Variants in TRIM24 observed in about 807,000 individuals in gnomAD.
TRIM24 encodes tripartite motif containing 24.
TRIM24 carries 29 observed loss-of-function variants against 123.9 expected under a neutral mutation model. That is an observed-to-expected ratio of 0.23 (90% CI 0.17 to 0.32). TRIM24 has a LOEUF of 0.32. TRIM24 is among the 10% of genes least tolerant of loss of function. TRIM24 has a pLI of 1.00. For synonymous variants in TRIM24, 456 were observed against 461.1 expected, an observed-to-expected ratio of 0.99 and a Z score of 0.14; for missense variants, 932 against 1,295.3, an observed-to-expected ratio of 0.72 and a Z score of 4.31.
Position 138,584,976 on chromosome 7 carries a change from G to T in TRIM24, c.*25G>T. The T allele has an allele frequency of 1.9e-6, 3 of 1,549,214 alleles. No homozygotes were observed. The highest frequency in any genetic ancestry group is 2.6e-6 in the Non-Finnish European group (3 of 1,152,428). On this transcript the variant is annotated 3_prime_UTR_variant, in exon 19 of 19. Transcript: ENST00000343526. ...ATATGCAGCACCACTAGCTTGTGCT[G>T]GTTTTTAGATTTTTTTGTTTTCAAA... is the stretch of plus-strand genomic sequence containing the variant.
chr7:138,547,670 G>GTTAT (rs1258064719), intron 7 of TRIM24, among the ~76,000 whole-genome samples: 2 of 152,036 alleles, frequency 1.3e-5, no homozygotes, highest in Non-Finnish European at 2.9e-5. Flanking sequence ...CCCAAAATAA[G>GTTAT]TTATTTATTT....
At chr7:138,530,418 A>G (rs183715283) in intron 6 of TRIM24, among the ~76,000 whole-genome samples, 12 of 152,226 alleles carry the variant, frequency 7.9e-5, no homozygotes, top group African/African-American at 2.2e-4. Flanking sequence ...ATCTGTAGGA[A>G]TGAACCTGGT....
At chr7:138,556,484 G>A (rs986074865) in intron 9 of TRIM24, 17 of 152,180 alleles carry the variant, frequency 1.1e-4, no homozygotes, top group Non-Finnish European at 2.2e-4. Flanking sequence ...CCTTCACAGT[G>A]TCAAAGTTTC....
At chr7:138,578,514 A>ATGGTGG (rs1235896840) in intron 14 of TRIM24, among the ~76,000 whole-genome samples, 14 of 146,760 alleles carry the variant, frequency 9.5e-5, no homozygotes, top group Non-Finnish European at 1.9e-4. Flanking sequence ...GATGGGGTGA[A>ATGGTGG]TGGTGGTGGT....
At chr7:138,469,013 TCACAGTACTG>T (rs1455345005) in intron 1 of TRIM24, among the ~76,000 whole-genome samples, 1 of 152,092 alleles carries the variant, frequency 6.6e-6, no homozygotes, top group Admixed American at 6.5e-5. Flanking sequence ...TCCTCATGGA[TCACAGTACTG>T]CATTGCCTTT....
At chr7:138,540,685 A>G (rs1053545234) in intron 7 of TRIM24, among the ~76,000 whole-genome samples, 1 of 152,092 alleles carries the variant, frequency 6.6e-6, no homozygotes, top group African/African-American at 2.4e-5. Context: ...AACTCCTGTT[A>G]TTGTTGATAT....
intron 4 of TRIM24, among the ~76,000 whole-genome samples, chr7:138,522,663 CTG>C (rs943825562): frequency 2.0e-5 from 3 of 151,606 alleles, no homozygotes; most frequent in African/African-American, 7.3e-5. Flanking sequence ...TTTTTTTTAA[CTG>C]TACTATGGGC....
chr7:138,522,800 A>G (rs1796530809), intron 4 of TRIM24, among the ~76,000 whole-genome samples: 1 of 152,208 alleles, frequency 6.6e-6, no homozygotes. Flanking sequence ...ATATACTTGC[A>G]AATTTAACTT....
chr7:138,554,405 G>A lies in TRIM24; in HGVS notation c.1262-293G>A, dbSNP rs762957383. Among the ~76,000 whole-genome samples the A allele has an allele frequency of 3.3e-5, 5 of 152,062 alleles. No individual in the cohort carries two copies. The highest frequency in any genetic ancestry group is 7.4e-5 in the Non-Finnish European group (5 of 67,998). ...ACAGTATTTTAAAATATCAAAAAAT[G>A]TTTACCAAATATTTTACAATATAGT... On this transcript the variant is annotated intron_variant, in intron 8 of 18. Transcript: ENST00000343526. This position sits in a 1 kb window ranked among gnomAD's most constrained non-coding sequence, Gnocchi z 4.5.
At chr7:138,475,965 A>G (rs150042588) in intron 1 of TRIM24, among the ~76,000 whole-genome samples, 6 of 152,332 alleles carry the variant, frequency 3.9e-5, no homozygotes, top group Non-Finnish European at 2.9e-5. Context: ...TTAAAGAGGT[A>G]GGACACATTA....
chr7:138,556,337 G>A (rs1470986757), intron 9 of TRIM24: 2 of 152,096 alleles, frequency 1.3e-5, no homozygotes, highest in African/African-American at 4.8e-5. Flanking sequence ...GGCCACTCTT[G>A]AAAGTTAATG....
rs780606588 is a variant in TRIM24, at chr7:138,589,286, G to A, written c.*4335G>A. 24 of 152,162 alleles carry A rather than the reference G, an allele frequency of 1.6e-4. No homozygotes were observed. The highest frequency in any genetic ancestry group is 2.6e-4 in the Non-Finnish European group (18 of 68,030). The allele number at this position is 152,162 out of a possible 1,614,324, so 9.4% of individuals were successfully genotyped here. A position where few individuals can be genotyped will look rare whatever the true frequency, so the allele number is the denominator to read the frequency against. ...CATGAAGGTTTTACTTATTGAGAGG[G>A]ACATCTGAGGCAGTAGTCTTCGTCT... is the stretch of plus-strand genomic sequence containing the variant. On this transcript the variant is annotated 3_prime_UTR_variant, in exon 19 of 19. Transcript: ENST00000343526.
intron 6 of TRIM24, among the ~76,000 whole-genome samples, chr7:138,536,036 G>A (rs943422482): frequency 7.2e-5 from 11 of 152,098 alleles, no homozygotes; most frequent in Admixed American, 1.3e-4. Context: ...CATTCGTCAC[G>A]TACTTCTTGT....
chr7:138,471,465 C>T (rs1795270639), intron 1 of TRIM24, among the ~76,000 whole-genome samples: 6 of 151,906 alleles, frequency 3.9e-5, no homozygotes, highest in Admixed American at 3.9e-4. Context: ...AAAGGACTTT[C>T]TTCTGATTTT....
Position 138,560,913 on chromosome 7 carries a change from T to G in TRIM24, c.1530+5947T>G, listed in dbSNP as rs181960120. Among the ~76,000 whole-genome samples the G allele has an allele frequency of 1.2e-3, 181 of 152,314 alleles. 1 individual carries two copies. The highest frequency in any genetic ancestry group is 3.5e-3 in the Admixed American group (54 of 15,300). ...TCCATGTCTGCTTTTCTGTTTCCTT[T>G]GGCCTCTAGTGTTCCTGCCTTTTGA... On this transcript the variant is annotated intron_variant, in intron 9 of 18. Transcript: ENST00000343526.
chr7:138,570,193 C>T (rs112544332), intron 10 of TRIM24, among the ~76,000 whole-genome samples: 5,520 of 152,240 alleles, frequency 0.036, 152 homozygotes, highest in Middle Eastern at 0.088. Context: ...GTTATCCACC[C>T]ACCTTGGGCT....
chr7:138,575,143 G>T (rs952828498), intron 12 of TRIM24, among the ~76,000 whole-genome samples: 4 of 152,132 alleles, frequency 2.6e-5, no homozygotes, highest in South Asian at 2.1e-4. Flanking sequence ...AGATGTAAAA[G>T]TATGTTTAAA....
intron 8 of TRIM24, among the ~76,000 whole-genome samples, chr7:138,553,314 G>C (rs1022896721): frequency 1.3e-5 from 2 of 152,210 alleles, no homozygotes; most frequent in African/African-American, 2.4e-5. Context: ...TGAATATTTT[G>C]TTACTGTCTT....
chr7:138,531,542 T>G (rs1796745969), intron 6 of TRIM24, among the ~76,000 whole-genome samples: 2 of 152,222 alleles, frequency 1.3e-5, no homozygotes, highest in South Asian at 2.1e-4. Flanking sequence ...ACAAAGGACA[T>G]GAACTCATCA....
Sources: gnomAD v4.1 joint callset for allele counts (sites outside exome capture counted in the v4.1 genomes callset) on GRCh38, gnomAD v4.1.1 for gene constraint, Gnocchi (gnomAD v3.1) non-coding constraint, MANE v1.5 for transcripts, NCBI Gene and HGNC (gene_info 2026-07-23, HGNC 2026-07-21) for gene names.